Variants in ZNF362 observed in about 807,000 individuals in gnomAD.
The protein encoded by ZNF362 is zinc finger protein 362.
In ZNF362, 11 loss-of-function variants were observed where a neutral mutation model predicts 42.9. The observed-to-expected ratio is 0.26, with a 90% confidence interval of 0.16 to 0.42. The LOEUF (loss-of-function observed/expected upper bound fraction) is 0.42. ZNF362 is among the 20% of genes least tolerant of loss of function. The pLI is 1.00. For missense variants in ZNF362, 362 were observed against 576.2 expected, an observed-to-expected ratio of 0.63 and a Z score of 3.81; for synonymous variants, 255 against 257.3, an observed-to-expected ratio of 0.99 and a Z score of 0.09.
At chr1:33,224,636 T>A in the ZNF362 span, among the ~76,000 whole-genome samples, 1 of 152,084 alleles carries the variant, frequency 6.6e-6, no homozygotes, top group Non-Finnish European at 1.5e-5. Flanking sequence ...CTATAAGAGA[T>A]AACGATGAAA....
At chr1:33,203,184 CT>C in the ZNF362 span, among the ~76,000 whole-genome samples, 1 of 151,812 alleles carries the variant, frequency 6.6e-6, no homozygotes, top group Admixed American at 6.6e-5. Context: ...TCTGACTTTT[CT>C]TTTTTTTGAT....
the ZNF362 span, among the ~76,000 whole-genome samples, chr1:33,238,371 TA>T: frequency 2.8e-5 from 3 of 108,742 alleles, no homozygotes; most frequent in Admixed American, 1.1e-4. Flanking sequence ...AATAATAAAA[TA>T]AAATAAAATA....
At chr1:33,199,711 G>T in the ZNF362 span, 2 of 152,208 alleles carry the variant, frequency 1.3e-5, no homozygotes, top group African/African-American at 4.8e-5. Flanking sequence ...TTACTGTGGG[G>T]TTATAAGTAA....
the ZNF362 span, among the ~76,000 whole-genome samples, chr1:33,247,780 G>C: frequency 6.6e-6 from 1 of 152,230 alleles, no homozygotes; most frequent in Non-Finnish European, 1.5e-5. Flanking sequence ...GGGAAAGGCT[G>C]TAAGTAGTTA....
chr1:33,274,869 C>A, intron 2 of ZNF362: 1 of 843,546 alleles, frequency 1.2e-6, no homozygotes, highest in Non-Finnish European at 1.4e-6. Flanking sequence ...TATAATAATA[C>A]CTCTTGTGCC....
the ZNF362 span, among the ~76,000 whole-genome samples, chr1:33,144,673 T>G: frequency 2.6e-5 from 4 of 152,250 alleles, no homozygotes; most frequent in Non-Finnish European, 5.9e-5. Context: ...CTTTTCCACT[T>G]AAGTGTGCAC....
chr1:33,211,059 G>C, the ZNF362 span, among the ~76,000 whole-genome samples: 1 of 151,336 alleles, frequency 6.6e-6, no homozygotes, highest in African/African-American at 2.4e-5. Flanking sequence ...TCAGCCTCCC[G>C]AGTAGCTGGG....
chr1:33,161,821 C>T, the ZNF362 span, among the ~76,000 whole-genome samples: 1 of 152,180 alleles, frequency 6.6e-6, no homozygotes, highest in Non-Finnish European at 1.5e-5. This position sits in a 1 kb window ranked among gnomAD's most constrained non-coding sequence, Gnocchi z 4.3. Context: ...GCCACCCTCT[C>T]CTAGTTGAAA....
chr1:33,242,580 G>GA, the ZNF362 span, among the ~76,000 whole-genome samples: 1 of 152,064 alleles, frequency 6.6e-6, no homozygotes, highest in Non-Finnish European at 1.5e-5. Context: ...CCCAGAAAAA[G>GA]ACAAAAACTC....
At chr1:33,137,269 C>T in the ZNF362 span, among the ~76,000 whole-genome samples, 2 of 152,170 alleles carry the variant, frequency 1.3e-5, no homozygotes, top group African/African-American at 2.4e-5. Context: ...AATGTGAGCT[C>T]TGCCACGTAA....
At chr1:33,247,652 C>G in the ZNF362 span, among the ~76,000 whole-genome samples, 1 of 152,174 alleles carries the variant, frequency 6.6e-6, no homozygotes, top group African/African-American at 2.4e-5. Flanking sequence ...AATTGTCAGC[C>G]CTTTCATTAT....
chr1:33,161,401 G>A, the ZNF362 span, among the ~76,000 whole-genome samples: 1 of 152,096 alleles, frequency 6.6e-6, no homozygotes, highest in African/African-American at 2.4e-5. The surrounding 1 kb of genome is among the most constrained non-coding windows in gnomAD (Gnocchi z 4.3). Context: ...TACTTTGTGG[G>A]ATTCTGGCTG....
chr1:33,189,708 CGTAT>C, the ZNF362 span, among the ~76,000 whole-genome samples: 3 of 7,262 alleles, frequency 4.1e-4, 1 homozygote, highest in South Asian at 9.0e-3. Flanking sequence ...CACATATATA[CGTAT>C]ATATATACAT....
At position 33,270,718 on chromosome 1, in the gene ZNF362, C is replaced by A. The variant is rs938299163; in HGVS notation, c.38+106C>A. 3 of 1,537,768 alleles carry A rather than the reference C, an allele frequency of 2.0e-6. No homozygotes were observed. In the African/African-American group the frequency reaches 4.1e-5, roughly 21 times the overall value. On this transcript the variant is annotated intron_variant, in intron 2 of 8. Coordinates refer to ENST00000539719, the MANE Select transcript of ZNF362 (RefSeq NM_152493.3). ...CCTTCCCTGAGTGCCCCCGCTGCTACCCTCTGGGTCTGCCCTGGGGGAGGT... is the reference window on the plus strand; with the variant it reads ...CCTTCCCTGAGTGCCCCCGCTGCTAACCTCTGGGTCTGCCCTGGGGGAGGT...
the ZNF362 span, among the ~76,000 whole-genome samples, chr1:33,183,536 G>C: frequency 6.6e-6 from 1 of 151,264 alleles, no homozygotes; most frequent in African/African-American, 2.4e-5. Context: ...AGTGAGTCTT[G>C]TTTGGTCCAA....
chr1:33,295,950 A>G (rs1646120622), intron 8 of ZNF362, among the ~76,000 whole-genome samples: 1 of 152,226 alleles, frequency 6.6e-6, no homozygotes, highest in Admixed American at 6.5e-5. Context: ...TGGCTGGCAG[A>G]GTGGTGCCAA....
the ZNF362 span, among the ~76,000 whole-genome samples, chr1:33,205,782 G>C: frequency 2.0e-5 from 3 of 152,068 alleles, no homozygotes; most frequent in Non-Finnish European, 4.4e-5. Context: ...CAGATGTGGT[G>C]GTGGGTGCCT....
chr1:33,250,790 A>G, the ZNF362 span, among the ~76,000 whole-genome samples: 1 of 150,522 alleles, frequency 6.6e-6, no homozygotes, highest in Non-Finnish European at 1.5e-5. Flanking sequence ...AAAGAAGGAG[A>G]AGGAGGAGGA....
At chr1:33,181,074 T>C in the ZNF362 span, 1 of 1,598,372 alleles carries the variant, frequency 6.3e-7, no homozygotes, top group South Asian at 1.1e-5. This position sits in a 1 kb window ranked among gnomAD's most constrained non-coding sequence, Gnocchi z 6.5. Context: ...ATGCTGCTCG[T>C]GCAGTGCAGG....
Sources: allele counts gnomAD v4.1 joint callset (sites outside exome capture counted in the v4.1 genomes callset), GRCh38; gene constraint gnomAD v4.1.1; non-coding constraint Gnocchi (gnomAD v3.1); transcripts MANE v1.5; gene names NCBI Gene and HGNC (gene_info 2026-07-23, HGNC 2026-07-21).